DPY19L1: variants seen among roughly 807,000 people sequenced by gnomAD.
The protein encoded by DPY19L1 is dpy-19 like C-mannosyltransferase 1, also known as protein C-mannosyl-transferase DPY19L1.
A neutral mutation model predicts 96.9 loss-of-function variants in DPY19L1; 35 were observed. The observed-to-expected ratio is 0.36, with a 90% confidence interval of 0.28 to 0.48. The LOEUF is 0.48. Among genes scored for constraint, DPY19L1 ranks in the 20% least tolerant of loss-of-function variants. The pLI is 0.99. For synonymous variants in DPY19L1, 205 were observed against 252.6 expected, an observed-to-expected ratio of 0.81 and a Z score of 1.79; for missense variants, 521 against 777.9, an observed-to-expected ratio of 0.67 and a Z score of 3.93.
At chr7:34,959,920 TATA>T (rs1355789462) in intron 10 of DPY19L1, among the ~76,000 whole-genome samples, 28 of 33,866 alleles carry the variant, frequency 8.3e-4, no homozygotes, top group South Asian at 4.2e-3. Context: ...TATATATATA[TATA>T]TTTATATATA....
intron 21 of DPY19L1, among the ~76,000 whole-genome samples, chr7:34,936,167 A>AT (rs1783864072): frequency 6.6e-6 from 1 of 152,238 alleles, no homozygotes; most frequent in African/African-American, 2.4e-5. Flanking sequence ...AGTCAGTTCA[A>AT]TGTCTGCTGA....
At chr7:34,989,765 T>C in intron 7 of DPY19L1, 119 bp downstream of exon 7, 1 of 856,016 alleles carries the variant, frequency 1.2e-6, no homozygotes, top group Non-Finnish European at 1.7e-6. Flanking sequence ...AATGCTAGTG[T>C]TTAAATTTTG....
chr7:34,990,259 C>T lies in DPY19L1; in HGVS notation c.765-318G>A, dbSNP rs184066904. Reference sequence around the variant, plus strand: ...GCAACCTGATATTTCTTTTTATTTTCTTTAGTACCTCATATTTATTTATGT... The same window carrying T: ...GCAACCTGATATTTCTTTTTATTTTTTTTAGTACCTCATATTTATTTATGT... On this transcript the variant is annotated intron_variant, in intron 6 of 21. Transcript: ENST00000638088. Among the ~76,000 whole-genome samples the T allele has an allele frequency of 4.7e-4, 71 of 152,226 alleles. 1 individual carries two copies. In the East Asian group the frequency reaches 0.013, roughly 28 times the overall value.
At chr7:34,933,348 A>G (rs1295982436) in intron 21 of DPY19L1, among the ~76,000 whole-genome samples, 1 of 152,198 alleles carries the variant, frequency 6.6e-6, no homozygotes, top group African/African-American at 2.4e-5. Flanking sequence ...GCATCCTGGT[A>G]GCTTAGTTCC....
intron 6 of DPY19L1, among the ~76,000 whole-genome samples, chr7:34,997,948 A>C (rs995903130): frequency 6.6e-6 from 1 of 152,200 alleles, no homozygotes; most frequent in African/African-American, 2.4e-5. Flanking sequence ...AACTGTGTTA[A>C]TGATGACTAT....
intron 1 of DPY19L1, among the ~76,000 whole-genome samples, chr7:35,027,567 C>CTTTGGGAG (rs1786154490): frequency 6.6e-6 from 1 of 151,378 alleles, no homozygotes; most frequent in South Asian, 2.1e-4. Flanking sequence ...CCATGGCTCA[C>CTTTGGGAG]GCCTGTAATC....
Position 34,961,576 on chromosome 7 carries a change from C to T in DPY19L1, c.1093-3506G>A, listed in dbSNP as rs180996329. Reference sequence around the variant, plus strand: ...TAACATTGGAGGAAACCTAGATGACCTTAGGTATGGTGATGACTTCTTAGA... The same window carrying T: ...TAACATTGGAGGAAACCTAGATGACTTTAGGTATGGTGATGACTTCTTAGA... On this transcript the variant is annotated intron_variant, in intron 10 of 21. Transcript: ENST00000638088. Among the ~76,000 whole-genome samples, 800 of 152,208 alleles carry T rather than the reference C, an allele frequency of 5.3e-3. 5 individuals are homozygous for T. Among genetic ancestry groups the T allele is most frequent in the African/African-American group, 0.018 (763 of 41,528 alleles).
chr7:35,037,667 G>A, upstream of DPY19L1: 1 of 258,556 alleles, frequency 3.9e-6, no homozygotes, highest in Non-Finnish European at 6.1e-6. Flanking sequence ...GCGGAACGCC[G>A]GGGGGCGGGG....
chr7:34,942,754 A>G, intron 16 of DPY19L1, 115 bp from the exon 17 acceptor site: 1 of 817,492 alleles, frequency 1.2e-6, no homozygotes, highest in Non-Finnish European at 2.0e-6. Context: ...TTCTCTCAGG[A>G]CACACACAGG....
At chr7:34,981,433 G>A (rs1784936958) in intron 7 of DPY19L1, among the ~76,000 whole-genome samples, 1 of 152,138 alleles carries the variant, frequency 6.6e-6, no homozygotes. Flanking sequence ...GTTGGTAAAT[G>A]TTATGGGGGA....
intron 7 of DPY19L1, among the ~76,000 whole-genome samples, chr7:34,984,693 A>G (rs1196530210): frequency 6.6e-6 from 1 of 152,210 alleles, no homozygotes; most frequent in East Asian, 1.9e-4. Flanking sequence ...TCTTGTACTT[A>G]CACTGTTTCC....
At position 34,939,343 on chromosome 7, in the gene DPY19L1, C is replaced by A; in HGVS notation, c.1897G>T (p.Ala633Ser). Residue 633 changes from alanine (A) to serine (S), a missense_variant, in exon 20 of 22, where the codon GCA (alanine) becomes TCA (serine). Ala to Ser is a moderately conservative substitution (Grantham distance 99). Coordinates refer to ENST00000638088, the MANE Select transcript of DPY19L1 (RefSeq NM_001366673.1). ...AVFAGAMPTM[A>S]SVKLSALRPI... ...CGAAGTGCAGAGAGCTTAACACTTG[C>A]CATCGTGGGCATGGCACCCGCAAAC... 6.2e-7 allele frequency: 1 copy of A among 1,613,926 alleles called. No individual in the cohort carries two copies. The highest frequency in any genetic ancestry group is 8.5e-7 in the Non-Finnish European group (1 of 1,179,932).
intron 15 of DPY19L1, 61 bp from the exon 16 acceptor site, chr7:34,945,777 A>G (rs1784132536): frequency 4.4e-6 from 5 of 1,144,664 alleles, no homozygotes; most frequent in African/African-American, 1.6e-5. Flanking sequence ...TATTTTAAAT[A>G]AAGTATCTTC....
At chr7:34,991,794 T>C (rs1399242499) in intron 6 of DPY19L1, among the ~76,000 whole-genome samples, 2 of 152,236 alleles carry the variant, frequency 1.3e-5, no homozygotes, top group Non-Finnish European at 2.9e-5. Context: ...GTGATCAATA[T>C]AACATCTCTC....
At chr7:34,992,249 A>G (rs1172104981) in intron 6 of DPY19L1, among the ~76,000 whole-genome samples, 1 of 152,192 alleles carries the variant, frequency 6.6e-6, no homozygotes. Context: ...TTTTGACAAC[A>G]TGCATTTTCT....
chr7:34,991,307 G>A (rs6979915), intron 6 of DPY19L1, among the ~76,000 whole-genome samples: 29,853 of 152,136 alleles, frequency 0.2, 3,307 homozygotes, highest in Admixed American at 0.35. Context: ...TACAGGGTCA[G>A]TAATCATAAG....
At chr7:35,012,251 G>C (rs1174991828) in intron 4 of DPY19L1, among the ~76,000 whole-genome samples, 1 of 152,214 alleles carries the variant, frequency 6.6e-6, no homozygotes, top group African/African-American at 2.4e-5. Flanking sequence ...CCCAGATCCA[G>C]AGCTGCCCAG....
intron 21 of DPY19L1, among the ~76,000 whole-genome samples, chr7:34,936,845 G>A (rs1037704360): frequency 6.6e-6 from 1 of 152,096 alleles, no homozygotes; most frequent in African/African-American, 2.4e-5. Flanking sequence ...TTTCACTCAC[G>A]ACTCAGTATT....
intron 6 of DPY19L1, chr7:35,000,705 A>T (rs1264477103): frequency 1.3e-5 from 2 of 152,254 alleles, no homozygotes; most frequent in African/African-American, 4.8e-5. Flanking sequence ...AATCCTTCGG[A>T]AATGAATTAT....
Sources: gnomAD v4.1 joint callset for allele counts (sites outside exome capture counted in the v4.1 genomes callset) on GRCh38, gnomAD v4.1.1 for gene constraint, MANE v1.5 for transcripts, NCBI Gene and HGNC (gene_info 2026-07-23, HGNC 2026-07-21) for gene names.